Variants in FAM184A observed in about 807,000 individuals in gnomAD.
FAM184A encodes the protein protein FAM184A.
A neutral mutation model predicts 143.8 loss-of-function variants in FAM184A; 99 were observed. The observed-to-expected ratio is 0.69, with a 90% CI of 0.58 to 0.81. The LOEUF is 0.81. FAM184A is among the 40% of genes least tolerant of loss of function. The probability of loss-of-function intolerance (pLI) is 0.00; values close to 1 mark genes in which losing one functional copy is unlikely to be tolerated. For synonymous variants in FAM184A, 427 were observed against 446.4 expected, an observed-to-expected ratio of 0.96 and a Z score of 0.55; for missense variants, 1,217 against 1,310.5, an observed-to-expected ratio of 0.93 and a Z score of 1.10.
chr6:119,106,347 T>A (rs6569042), intron 1 of FAM184A, among the ~76,000 whole-genome samples: 1 of 151,772 alleles, frequency 6.6e-6, no homozygotes, highest in Admixed American at 6.6e-5. Context: ...GAGATGAGAT[T>A]GTGCCACTGC....
At chr6:119,080,351 C>A (rs1788025384), upstream of FAM184A, among the ~76,000 whole-genome samples, 1 of 152,120 alleles carries the variant, frequency 6.6e-6, no homozygotes, top group South Asian at 2.1e-4. Flanking sequence ...GAAGTTAGGA[C>A]CCTGGTCCAC....
At chr6:118,973,766 T>TTTCCAAAGAACATTAATG (rs1324245009) in intron 14 of FAM184A, among the ~76,000 whole-genome samples, 1 of 152,156 alleles carries the variant, frequency 6.6e-6, no homozygotes, top group Non-Finnish European at 1.5e-5. Context: ...TTATTAAATG[T>TTTCCAAAGAACATTAATG]TTCCAAAGAA....
chr6:119,146,033 C>T (rs940332057), intron 1 of FAM184A, among the ~76,000 whole-genome samples: 2 of 152,104 alleles, frequency 1.3e-5, no homozygotes, highest in Non-Finnish European at 2.9e-5. Flanking sequence ...GTACCACTAG[C>T]GGCATAGGAG....
At chr6:118,993,508 G>A (rs1035819479) in intron 9 of FAM184A, among the ~76,000 whole-genome samples, 4 of 149,628 alleles carry the variant, frequency 2.7e-5, no homozygotes, top group Admixed American at 6.6e-5. Flanking sequence ...CCATTGAATT[G>A]TAAGCTTTTA....
At chr6:119,005,870 A>T (rs2114646528) in intron 7 of FAM184A, 1 of 457,320 alleles carries the variant, frequency 2.2e-6, no homozygotes, top group Admixed American at 3.5e-5. Flanking sequence ...ATCTGCAGAC[A>T]CAGAGAAGCA....
intron 1 of FAM184A, among the ~76,000 whole-genome samples, chr6:119,147,792 C>T (rs1772501466): frequency 6.6e-6 from 1 of 152,186 alleles, no homozygotes; most frequent in Admixed American, 6.5e-5. Context: ...CCAGAGAAAG[C>T]CAAATCTGTA....
At chr6:119,102,775 A>T (rs1394266722) in intron 1 of FAM184A, among the ~76,000 whole-genome samples, 4 of 111,228 alleles carry the variant, frequency 3.6e-5, no homozygotes, top group Non-Finnish European at 6.9e-5. Flanking sequence ...GATGACAGAG[A>T]CTCCATCTCA....
At chr6:119,095,060 G>A (rs2114825527) in intron 1 of FAM184A, among the ~76,000 whole-genome samples, 1 of 152,286 alleles carries the variant, frequency 6.6e-6, no homozygotes, top group South Asian at 2.1e-4. Flanking sequence ...GACTCTGTCA[G>A]CATGCATAGG....
intron 1 of FAM184A, among the ~76,000 whole-genome samples, chr6:119,091,476 C>CT (rs746087080): frequency 6.6e-6 from 1 of 152,162 alleles, no homozygotes; most frequent in Non-Finnish European, 1.5e-5. Flanking sequence ...AGTTCAGCAA[C>CT]TTGTGGATAC....
rs1442391490 is a variant in FAM184A, at chr6:119,053,615, G to A, written c.159+24526C>T. ...TATTTTCAATTTAGGGTAGAGGTAG[G>A]ATGTAGTATAAGAATCACTAAGTGG... On this transcript the variant is annotated intron_variant, in intron 1 of 17. Coordinates refer to ENST00000338891, the MANE Select transcript of FAM184A (RefSeq NM_024581.6). Among the ~76,000 whole-genome samples the A allele has an allele frequency of 3.3e-5, 5 of 152,124 alleles. No individual in the cohort carries two copies. In the South Asian group the frequency reaches 6.2e-4, roughly 19 times the overall value.
chr6:119,136,092 C>A (rs545255520), intron 1 of FAM184A, among the ~76,000 whole-genome samples: 119 of 149,504 alleles, frequency 8.0e-4, no homozygotes, highest in African/African-American at 2.8e-3. Context: ...TCCTGGCTAA[C>A]AAGGTGAAAC....
intron 1 of FAM184A, among the ~76,000 whole-genome samples, chr6:119,102,935 T>C (rs1416934900): frequency 1.3e-5 from 2 of 152,022 alleles, no homozygotes; most frequent in Non-Finnish European, 2.9e-5. Context: ...TTCTATACAA[T>C]GTCTACTCCC....
chr6:119,100,828 G>T (rs184196082), intron 1 of FAM184A, among the ~76,000 whole-genome samples: 19 of 151,784 alleles, frequency 1.3e-4, no homozygotes, highest in African/African-American at 4.1e-4. Flanking sequence ...GTGTGGCAGC[G>T]GGCGCCTATA....
chr6:119,035,100 G>A (rs942316161), intron 1 of FAM184A, among the ~76,000 whole-genome samples: 1 of 152,048 alleles, frequency 6.6e-6, no homozygotes, highest in East Asian at 1.9e-4. Context: ...TTTTTTAAAA[G>A]GCTGTGAGAG....
At chr6:119,050,463 A>T (rs928662157) in intron 1 of FAM184A, among the ~76,000 whole-genome samples, 19 of 151,384 alleles carry the variant, frequency 1.3e-4, no homozygotes, top group African/African-American at 4.1e-4. Context: ...TTTTTTTTTT[A>T]AAAAAAGGGT....
intron 1 of FAM184A, among the ~76,000 whole-genome samples, chr6:119,114,300 G>A (rs566885096): frequency 1.3e-5 from 2 of 152,156 alleles, no homozygotes; most frequent in Non-Finnish European, 2.9e-5. Flanking sequence ...CAGACAAACA[G>A]CAAATAGTGT....
At chr6:118,999,145 A>C (rs1201382889) in intron 9 of FAM184A, among the ~76,000 whole-genome samples, 1 of 152,168 alleles carries the variant, frequency 6.6e-6, no homozygotes, top group Non-Finnish European at 1.5e-5. Context: ...ATGGCTGAGC[A>C]GTAAACAGTG....
At chr6:119,142,183 C>G (rs1470020612) in intron 1 of FAM184A, among the ~76,000 whole-genome samples, 1 of 152,152 alleles carries the variant, frequency 6.6e-6, no homozygotes, top group Non-Finnish European at 1.5e-5. Context: ...GGGCGAACAT[C>G]TGAAGACAAT....
rs1410669382 is a variant in FAM184A at position 119,024,510 on chromosome 6, A to G, written c.463T>C (p.Ser155Pro). 6.2e-7 allele frequency: 1 copy of G among 1,613,892 alleles called. No homozygotes were observed. Among genetic ancestry groups the G allele is most frequent in the Non-Finnish European group, 8.5e-7 (1 of 1,179,958 alleles). Residue 155 changes from serine to proline, a missense_variant, in exon 2 of 18, where the codon TCT becomes CCT. Coordinates refer to ENST00000338891, the MANE Select transcript of FAM184A (RefSeq NM_024581.6). ...AQHVQRIVTMSREVEEIRRKF... is the reference protein window; with the variant it reads ...AQHVQRIVTMPREVEEIRRKF... Reference sequence around the variant, plus strand: ...CTTCTAATCTCTTCGACTTCTCTAGACATGGTCACTATGCGTTGGACATGC... The same window carrying G: ...CTTCTAATCTCTTCGACTTCTCTAGGCATGGTCACTATGCGTTGGACATGC...
Sources: allele counts gnomAD v4.1 joint callset (sites outside exome capture counted in the v4.1 genomes callset), GRCh38; gene constraint gnomAD v4.1.1; transcripts MANE v1.5; gene names NCBI Gene and HGNC (gene_info 2026-07-23, HGNC 2026-07-21).